The following SFMBT2 variants were observed in gnomAD, a reference collection of about 807,000 sequenced individuals.
SFMBT2 encodes the protein scm-like with four MBT domains protein 2.
In SFMBT2, 38 loss-of-function variants were observed where a neutral mutation model predicts 110.1. That is an observed-to-expected ratio of 0.35 (90% CI 0.27 to 0.45). The LOEUF (loss-of-function observed/expected upper bound fraction) is 0.45. Among genes scored for constraint, SFMBT2 ranks in the 20% least tolerant of loss-of-function variants. The pLI is 1.00. For synonymous variants in SFMBT2, 425 were observed against 425.4 expected (o/e 1.00, Z 0.01); for missense variants, 1,011 against 1,094.9 (o/e 0.92, Z 1.08).
chr10:7,359,109 G>A (rs1035217684), intron 4 of SFMBT2, among the ~76,000 whole-genome samples: 1 of 152,244 alleles, frequency 6.6e-6, no homozygotes, highest in Non-Finnish European at 1.5e-5. Context: ...CAACGAGGCA[G>A]GGTCAAGCCT....
At chr10:7,378,573 T>G in intron 2 of SFMBT2, among the ~76,000 whole-genome samples, 4 of 117,612 alleles carry the variant, frequency 3.4e-5, no homozygotes, top group Non-Finnish European at 5.3e-5. Flanking sequence ...GATGGATGGG[T>G]GTGAGTGTGT....
chr10:7,376,449 C>T (rs1187736269), intron 2 of SFMBT2, among the ~76,000 whole-genome samples: 2 of 152,022 alleles, frequency 1.3e-5, no homozygotes, highest in African/African-American at 4.8e-5. Context: ...CCTGTAGTCC[C>T]GGCACTTTGG....
chr10:7,301,566 G>A lies in SFMBT2; in HGVS notation c.437-15612C>T, dbSNP rs987540676. On this transcript the variant is annotated intron_variant, in intron 4 of 20. Transcript: ENST00000397167. The surrounding 1 kb of genome is among the most constrained non-coding windows in gnomAD (Gnocchi z 4.2). Reference sequence around the variant, plus strand: ...ACTGAGACAGTGGGGGCAGGTCCCCGGGGCCGGCAAATTCGCGGAACACCA... The same window carrying A: ...ACTGAGACAGTGGGGGCAGGTCCCCAGGGCCGGCAAATTCGCGGAACACCA... 1.3e-4 allele frequency among the ~76,000 whole-genome samples: 20 copies of A among 152,276 alleles called. No homozygotes were observed. The highest frequency in any genetic ancestry group is 4.3e-4 in the African/African-American group (18 of 41,558).
intron 1 of SFMBT2, among the ~76,000 whole-genome samples, chr10:7,387,407 G>C (rs995846300): frequency 6.6e-6 from 1 of 152,124 alleles, no homozygotes; most frequent in African/African-American, 2.4e-5. Flanking sequence ...ATAAATACCA[G>C]TGGCTGCCAG....
intron 4 of SFMBT2, among the ~76,000 whole-genome samples, chr10:7,313,270 C>A (rs1265014693): frequency 6.6e-6 from 1 of 151,724 alleles, no homozygotes; most frequent in Non-Finnish European, 1.5e-5. Flanking sequence ...AACGCAATTG[C>A]ACTGTGTATG....
At chr10:7,224,227 T>C (rs1336830963) in intron 10 of SFMBT2, among the ~76,000 whole-genome samples, 2 of 152,206 alleles carry the variant, frequency 1.3e-5, no homozygotes, top group Non-Finnish European at 2.9e-5. Context: ...GCTATCACCT[T>C]GGTTGGACTG....
Position 7,301,578 on chromosome 10 carries a change from T to C in SFMBT2, c.437-15624A>G, listed in dbSNP as rs1333219988. Among the ~76,000 whole-genome samples, 1 of 152,076 alleles carries C rather than the reference T, an allele frequency of 6.6e-6. No individual in the cohort carries two copies. Among genetic ancestry groups the C allele is most frequent in the Non-Finnish European group, 1.5e-5 (1 of 68,008 alleles). ...GGGGCAGGTCCCCGGGGCCGGCAAA[T>C]TCGCGGAACACCAGCCAGGGGCATC... On this transcript the variant is annotated intron_variant, in intron 4 of 20. Transcript: ENST00000397167. The surrounding 1 kb of genome is among the most constrained non-coding windows in gnomAD (Gnocchi z 4.2).
chr10:7,164,343 AC>A lies in SFMBT2; in HGVS notation c.2545-434del, dbSNP rs553286705. The A allele has an allele frequency of 9.3e-4, 785 of 844,744 alleles. 5 individuals carry two copies. The African/African-American group carries it at 0.014, about 15-fold the overall frequency. 52.3% of individuals were successfully genotyped at this position (844,744 alleles called of 1,614,324 possible). On this transcript the variant is annotated intron_variant, in intron 20 of 20. Transcript: ENST00000397167. ...TGAGGTTGCAGTGAGCTGTGATCAT[AC>A]CACTGCCCTCCAGCCTGGGCAACAC...
chr10:7,338,140 T>C (rs146368859), intron 4 of SFMBT2, among the ~76,000 whole-genome samples: 39 of 152,334 alleles, frequency 2.6e-4, no homozygotes, highest in African/African-American at 8.7e-4. Flanking sequence ...TAACAATAAG[T>C]TGCCTTGTCC....
At chr10:7,349,756 G>A (rs1272707169) in intron 4 of SFMBT2, among the ~76,000 whole-genome samples, 3 of 151,912 alleles carry the variant, frequency 2.0e-5, no homozygotes, top group African/African-American at 7.3e-5. Flanking sequence ...ACCGTGCCCG[G>A]CCCTCAATCC....
intron 4 of SFMBT2, among the ~76,000 whole-genome samples, chr10:7,338,235 C>T (rs1843776088): frequency 6.6e-6 from 1 of 152,184 alleles, no homozygotes; most frequent in Non-Finnish European, 1.5e-5. Flanking sequence ...AAGAGAATCA[C>T]TTCTGCCATA....
At chr10:7,238,117 G>A (rs1840315963) in intron 9 of SFMBT2, among the ~76,000 whole-genome samples, 1 of 152,204 alleles carries the variant, frequency 6.6e-6, no homozygotes, top group Non-Finnish European at 1.5e-5. Flanking sequence ...AGTCTGAGCA[G>A]AGAGACCCAT....
At chr10:7,385,728 A>G (rs550655960) in intron 1 of SFMBT2, among the ~76,000 whole-genome samples, 31 of 152,286 alleles carry the variant, frequency 2.0e-4, no homozygotes, top group East Asian at 5.8e-4. Context: ...GGCCAGGCAC[A>G]GTGGCTCACG....
At chr10:7,345,249 G>A (rs930935643) in intron 4 of SFMBT2, among the ~76,000 whole-genome samples, 5 of 152,132 alleles carry the variant, frequency 3.3e-5, no homozygotes, top group South Asian at 2.1e-4. Flanking sequence ...AGCTTCAAAC[G>A]ACCTCTCTAG....
chr10:7,223,157 G>A (rs1313096861), intron 10 of SFMBT2, among the ~76,000 whole-genome samples: 1 of 152,194 alleles, frequency 6.6e-6, no homozygotes, highest in African/African-American at 2.4e-5. Flanking sequence ...TTAGAGATGG[G>A]ACCGCTAGAC....
At chr10:7,254,384 G>T (rs1470374215) in intron 7 of SFMBT2, among the ~76,000 whole-genome samples, 1 of 152,138 alleles carries the variant, frequency 6.6e-6, no homozygotes, top group Non-Finnish European at 1.5e-5. Context: ...AGCTATGGAA[G>T]ATCCAGACTG....
intron 9 of SFMBT2, among the ~76,000 whole-genome samples, chr10:7,240,265 C>T (rs1336864936): frequency 6.6e-6 from 1 of 152,116 alleles, no homozygotes; most frequent in Non-Finnish European, 1.5e-5. Context: ...TCTTCTCTAA[C>T]ATAGGAAGTG....
At chr10:7,348,183 G>C in intron 4 of SFMBT2, 1 of 795,214 alleles carries the variant, frequency 1.3e-6, no homozygotes, top group Non-Finnish European at 1.8e-6. Context: ...CTTTTCAAAG[G>C]GTTTGGGTTG....
At chr10:7,254,036 G>A (rs1840910970) in intron 7 of SFMBT2, among the ~76,000 whole-genome samples, 1 of 152,138 alleles carries the variant, frequency 6.6e-6, no homozygotes, top group Non-Finnish European at 1.5e-5. Flanking sequence ...TTCTGACGGG[G>A]TTTGCCACTG....
Sources: allele counts gnomAD v4.1 joint callset (sites outside exome capture counted in the v4.1 genomes callset), GRCh38; gene constraint gnomAD v4.1.1; non-coding constraint Gnocchi (gnomAD v3.1); transcripts MANE v1.5; gene names NCBI Gene and HGNC (gene_info 2026-07-23, HGNC 2026-07-21).